Variants in LBP observed in about 807,000 individuals in gnomAD.
LBP encodes lipopolysaccharide binding protein.
A neutral mutation model predicts 56.6 loss-of-function variants in LBP; 53 were observed. The observed-to-expected ratio is 0.94, with a 90% CI of 0.75 to 1.18. The LOEUF is 1.18. Among genes scored for constraint, LBP ranks in the 50% most tolerant of loss-of-function variants. The pLI, the probability that LBP is intolerant of heterozygous loss-of-function variation, is 0.00. For missense variants in LBP, 601 were observed against 598.3 expected, an observed-to-expected ratio of 1.00 and a Z score of -0.05; for synonymous variants, 227 against 247.5, an observed-to-expected ratio of 0.92 and a Z score of 0.78.
chr20:38,369,949 CTT>C (rs2076895585), intron 10 of LBP, among the ~76,000 whole-genome samples: 1 of 152,150 alleles, frequency 6.6e-6, no homozygotes, highest in Non-Finnish European at 1.5e-5. Flanking sequence ...ACTCTGCTCT[CTT>C]GTTTCTTGAC....
At chr20:38,356,431 C>T (rs556889021) in intron 5 of LBP, among the ~76,000 whole-genome samples, 1 of 90,488 alleles carries the variant, frequency 1.1e-5, no homozygotes, top group East Asian at 2.3e-4. Context: ...CACACACACA[C>T]ACACACACAC....
intron 5 of LBP, among the ~76,000 whole-genome samples, chr20:38,359,757 T>C (rs1332816934): frequency 1.3e-5 from 2 of 152,178 alleles, no homozygotes; most frequent in Non-Finnish European, 2.9e-5. Context: ...GGCTGCATCA[T>C]AAATAATTCG....
At chr20:38,359,165 G>A (rs996386640) in intron 5 of LBP, among the ~76,000 whole-genome samples, 1 of 151,998 alleles carries the variant, frequency 6.6e-6, no homozygotes, top group African/African-American at 2.4e-5. Flanking sequence ...ATTTTCTGTT[G>A]TCTGTTCCAA....
intron 2 of LBP, 98 bp downstream of exon 2, chr20:38,349,760 G>T (rs544054560): frequency 3.5e-6 from 3 of 861,934 alleles, no homozygotes; most frequent in East Asian, 2.7e-5. Flanking sequence ...ATTGGGCTGT[G>T]GGGGGACCTC....
At chr20:38,351,286 C>G (rs909533059) in intron 3 of LBP, among the ~76,000 whole-genome samples, 4 of 152,150 alleles carry the variant, frequency 2.6e-5, no homozygotes, top group Non-Finnish European at 4.4e-5. Flanking sequence ...TCTGAGGAAA[C>G]CCACAGGGGA....
At chr20:38,375,559 C>A (rs1487649708) in intron 14 of LBP, among the ~76,000 whole-genome samples, 1 of 151,400 alleles carries the variant, frequency 6.6e-6, no homozygotes, top group East Asian at 1.9e-4. Flanking sequence ...CCAGCCTGGG[C>A]GACAGAGCAA....
chr20:38,356,424 A>ACACACACACACACACACACACACACGCG (rs2076840718), intron 5 of LBP, among the ~76,000 whole-genome samples: 1 of 19,058 alleles, frequency 5.2e-5, no homozygotes, highest in Non-Finnish European at 2.8e-4. Context: ...ACACGCGCAC[A>ACACACACACACACACACACACACACGCG]CACACACACA....
Position 38,350,903 on chromosome 20 carries a change from G to T in LBP, c.332G>T (p.Arg111Leu), listed in dbSNP as rs2232583. Residue 111 changes from arginine to leucine, a missense_variant, in exon 3 of 15, where the codon CGG becomes CTG. Physicochemically the swap from Arg to Leu is moderately radical, Grantham distance 102. Coordinates refer to ENST00000217407, the MANE Select transcript of LBP (RefSeq NM_004139.5). ...LSLSISDSSI[R>L]VQGRWKVRKS... ...CTCAGCATCTCCGACTCCTCCATCC[G>T]GGTCCAGGGCAGGTGGAAGGTGCGC... is the stretch of plus-strand genomic sequence containing the variant. 2.5e-6 allele frequency: 4 copies of T among 1,613,902 alleles called. No individual in the cohort carries two copies. The highest frequency in any genetic ancestry group is 1.3e-5 in the African/African-American group (1 of 74,942).
Position 38,376,710 on chromosome 20 carries a change from CTTGTT to C in LBP, c.*42_*46del, listed in dbSNP as rs752863101. On this transcript the variant is annotated 3_prime_UTR_variant, in exon 15 of 15. Transcript: ENST00000217407. ...AGCTTGGAGGTCACAGCTGGATCTG[CTTGTT>C]GCATTTCCAGCTGTGCAGCACGTCT... The C allele has an allele frequency of 1.9e-5, 30 of 1,565,248 alleles. No individual in the cohort carries two copies. In the South Asian group the frequency reaches 3.0e-4, roughly 16 times the overall value.
At position 38,371,293 on chromosome 20, in the gene LBP, C is replaced by T; in HGVS notation, c.1231C>T (p.Leu411=). 6.2e-7 allele frequency: 1 copy of T among 1,610,588 alleles called. No individual in the cohort carries two copies. The highest frequency in any genetic ancestry group is 8.5e-7 in the Non-Finnish European group (1 of 1,177,194). Residue 411 remains leucine (L), a synonymous_variant, in exon 12 of 15, where the codon CTG becomes TTG. Transcript: ENST00000217407. ...GATTCATTACAGGGTAAAAGTGGAA[C>T]TGAAAGAATCCAAAGTTGGACTATT... ...FLKPGKVKVE[L]KESKVGLFNA...
At chr20:38,360,806 G>A in intron 6 of LBP, 39 bp downstream of exon 6, 1 of 1,470,038 alleles carries the variant, frequency 6.8e-7, no homozygotes, top group Non-Finnish European at 9.5e-7. Flanking sequence ...TTTTATTTCT[G>A]TTAATTTCTA....
In LBP at chr20:38,360,954, G is replaced by A. The variant is rs879196102; in HGVS notation, c.652+187G>A. On this transcript the variant is annotated intron_variant, in intron 6 of 14. Coordinates refer to ENST00000217407, the MANE Select transcript of LBP (RefSeq NM_004139.5). Reference sequence around the variant, plus strand: ...GAGGCGGGTGGATCACCTGAGGTCAGGAGTTCGAGACCAGCCTGGCCAACA... The same window carrying A: ...GAGGCGGGTGGATCACCTGAGGTCAAGAGTTCGAGACCAGCCTGGCCAACA... Among the ~76,000 whole-genome samples, 7 of 152,244 alleles carry A rather than the reference G, an allele frequency of 4.6e-5. 1 individual carries two copies. The South Asian group carries it at 1.2e-3, about 27-fold the overall frequency.
chr20:38,371,461 C>T (rs755672159), intron 12 of LBP, 139 bp downstream of exon 12: 3 of 636,978 alleles, frequency 4.7e-6, no homozygotes, highest in East Asian at 2.8e-5. Context: ...TAAAAGGTCT[C>T]GAAAACACAA....
chr20:38,366,862 C>A, intron 9 of LBP, 34 bp downstream of exon 9: 1 of 1,580,362 alleles, frequency 6.3e-7, no homozygotes, highest in Non-Finnish European at 8.7e-7. Flanking sequence ...TGAGTGCAGA[C>A]CGAGCCTACT....
intron 6 of LBP, among the ~76,000 whole-genome samples, chr20:38,362,756 C>T (rs544719804): frequency 4.0e-5 from 6 of 151,896 alleles, no homozygotes; most frequent in East Asian, 1.9e-4. Context: ...AAGGCCAGCC[C>T]GGGCAACATA....
At position 38,350,954 on chromosome 20, in the gene LBP, C is replaced by G; in HGVS notation, c.368+15C>G. ...AAGTCATTCTTGTAAGTTGGCTCTG[C>G]TCCCAGGCCCTGGAGCTCTTGGCCT... is the stretch of plus-strand genomic sequence containing the variant. On this transcript the variant is annotated intron_variant, in intron 3 of 14. Transcript: ENST00000217407. The G allele has an allele frequency of 6.2e-7, 1 of 1,611,352 alleles. No homozygotes were observed. Among genetic ancestry groups the G allele is most frequent in the South Asian group, 1.1e-5 (1 of 90,914 alleles).
In LBP at chr20:38,373,982, A is replaced by T; in HGVS notation, c.1370A>T (p.Gln457Leu). The change falls in exon 14 of 15, where the codon CAG becomes CTG. Residue 457 changes from glutamine to leucine, a missense_variant. Physicochemically the swap from Gln to Leu is moderately radical, Grantham distance 113 (BLOSUM62 -2). Transcript: ENST00000217407. ...CCCCTTCCTCTGCTGAAGCGTGTTC[A>T]GCTCTACGACCTTGGGCTGCAGATC... is the stretch of plus-strand genomic sequence containing the variant. ...GFPLPLLKRVQLYDLGLQIHK... is the reference protein window; with the variant it reads ...GFPLPLLKRVLLYDLGLQIHK... 6.2e-7 allele frequency: 1 copy of T among 1,614,054 alleles called. No homozygotes were observed. Among genetic ancestry groups the T allele is most frequent in the South Asian group, 1.1e-5 (1 of 91,066 alleles).
chr20:38,350,129 T>C (rs2076815394), intron 2 of LBP, among the ~76,000 whole-genome samples: 1 of 152,206 alleles, frequency 6.6e-6, no homozygotes, highest in South Asian at 2.1e-4. Context: ...GAGCAGCTGA[T>C]GCTTTAAAAG....
At chr20:38,371,423 A>G (rs1452326473) in intron 12 of LBP, 101 bp downstream of exon 12, 5 of 926,876 alleles carry the variant, frequency 5.4e-6, no homozygotes, top group Non-Finnish European at 8.4e-6. Context: ...CAAAAGGAGA[A>G]GAGTTGATTT....
Sources: gnomAD v4.1 joint callset for allele counts (sites outside exome capture counted in the v4.1 genomes callset) on GRCh38, gnomAD v4.1.1 for gene constraint, MANE v1.5 for transcripts, NCBI Gene and HGNC (gene_info 2026-07-23, HGNC 2026-07-21) for gene names.